The following AGBL4 variants were observed in gnomAD, a reference collection of about 807,000 sequenced individuals.
The protein encoded by AGBL4 is cytosolic carboxypeptidase 6.
AGBL4 carries 58 observed loss-of-function variants against 66.4 expected under a neutral mutation model. The observed-to-expected ratio is 0.87, with a 90% CI of 0.71 to 1.09. AGBL4 has a LOEUF of 1.09. Among genes scored for constraint, AGBL4 ranks in the 50% least tolerant of loss-of-function variants. The probability of loss-of-function intolerance (pLI) is 0.00; values close to 1 mark genes in which losing one functional copy is unlikely to be tolerated. For synonymous variants in AGBL4, 234 were observed against 222.9 expected (o/e 1.05, Z -0.44); for missense variants, 579 against 631.0 (o/e 0.92, Z 0.88).
chr1:49,971,226 T>C (rs1658054218), intron 1 of AGBL4, among the ~76,000 whole-genome samples: 1 of 152,164 alleles, frequency 6.6e-6, no homozygotes, highest in Admixed American at 6.5e-5. Flanking sequence ...AGTAGCACAA[T>C]GATATCTTGC....
intron 2 of AGBL4, among the ~76,000 whole-genome samples, chr1:49,708,760 T>C (rs1647400158): frequency 6.6e-6 from 1 of 152,158 alleles, no homozygotes; most frequent in Non-Finnish European, 1.5e-5. Context: ...TTTATGCTGA[T>C]GTTGATGCTA....
At chr1:49,449,887 A>G (rs1400683409) in intron 3 of AGBL4, among the ~76,000 whole-genome samples, 1 of 151,980 alleles carries the variant, frequency 6.6e-6, no homozygotes, top group African/African-American at 2.4e-5. Flanking sequence ...GGCTTTTTGC[A>G]CTACATCTTT....
intron 11 of AGBL4, among the ~76,000 whole-genome samples, chr1:48,541,384 T>G (rs948283441): frequency 2.6e-5 from 4 of 152,248 alleles, no homozygotes; most frequent in African/African-American, 4.8e-5. Flanking sequence ...GCCTGCAAGC[T>G]CTATGAGGCA....
intron 2 of AGBL4, chr1:49,845,229 TG>T (rs1364192985): frequency 6.6e-7 from 1 of 1,522,326 alleles, no homozygotes; most frequent in Admixed American, 1.7e-5. Context: ...GAATCCACAC[TG>T]GGGAGAAACC....
intron 6 of AGBL4, among the ~76,000 whole-genome samples, chr1:48,693,374 C>T (rs932024031): frequency 6.6e-6 from 1 of 152,184 alleles, no homozygotes; most frequent in African/African-American, 2.4e-5. Context: ...TTGCTTAACA[C>T]GGTGGTGGAT....
At chr1:49,054,244 T>C (rs760559442) in intron 4 of AGBL4, among the ~76,000 whole-genome samples, 6 of 152,068 alleles carry the variant, frequency 3.9e-5, no homozygotes, top group Admixed American at 3.3e-4. Context: ...TCAACAGATA[T>C]ATCAAACAAA....
intron 5 of AGBL4, among the ~76,000 whole-genome samples, chr1:49,011,464 T>A (rs1453239820): frequency 2.0e-5 from 3 of 152,156 alleles, no homozygotes; most frequent in Admixed American, 6.5e-5. Flanking sequence ...ATTGTGCAAG[T>A]CAGTGTGGCG....
chr1:48,686,131 C>T (rs964071511), intron 6 of AGBL4, among the ~76,000 whole-genome samples: 15 of 152,194 alleles, frequency 9.9e-5, no homozygotes, highest in Admixed American at 2.0e-4. Flanking sequence ...GGGGAAGTCA[C>T]TCAGCTTGTT....
Position 48,653,449 on chromosome 1 carries a change from T to A in AGBL4, c.727A>T (p.Ile243Phe). ...TGCTGGCTTACAAGGAAGTCAATGA[T>A]CCCTAGGGAAAGAGAAGAGCCCGGT... Reference protein sequence around the residue: ...ETPSSFVCQGIIDFLVSQHPI... With the variant: ...ETPSSFVCQGFIDFLVSQHPI... Residue 243 changes from isoleucine (I) to phenylalanine (F), a missense_variant and splice_region_variant, in exon 8 of 14, where the codon ATC becomes TTC. Ile to Phe is a conservative substitution (Grantham distance 21). Coordinates refer to ENST00000371839, the MANE Select transcript of AGBL4 (RefSeq NM_032785.4). The A allele has an allele frequency of 3.2e-6, 5 of 1,567,692 alleles. No individual in the cohort carries two copies. The highest frequency in any genetic ancestry group is 4.3e-6 in the Non-Finnish European group (5 of 1,155,084).
intron 3 of AGBL4, among the ~76,000 whole-genome samples, chr1:49,513,885 G>C (rs955481308): frequency 2.0e-5 from 3 of 152,010 alleles, no homozygotes; most frequent in Non-Finnish European, 4.4e-5. Flanking sequence ...GGCATAAGCA[G>C]GGTTGCTATA....
intron 6 of AGBL4, among the ~76,000 whole-genome samples, chr1:48,675,861 A>G (rs996236133): frequency 3.3e-5 from 5 of 152,254 alleles, no homozygotes; most frequent in Admixed American, 6.5e-5. Context: ...AGCAGTTCTT[A>G]TATAACTTCT....
intron 6 of AGBL4, among the ~76,000 whole-genome samples, chr1:48,672,382 C>T (rs937130188): frequency 2.6e-5 from 4 of 152,188 alleles, no homozygotes; most frequent in Non-Finnish European, 5.9e-5. Flanking sequence ...ATCCCTGTCT[C>T]ATGGATGAGG....
chr1:49,062,378 T>C (rs902552179), intron 4 of AGBL4, among the ~76,000 whole-genome samples: 1 of 152,202 alleles, frequency 6.6e-6, no homozygotes, highest in South Asian at 2.1e-4. Flanking sequence ...ACATGCATCA[T>C]ACTTCATTAT....
intron 6 of AGBL4, among the ~76,000 whole-genome samples, chr1:48,864,158 C>G (rs1436333410): frequency 6.6e-6 from 1 of 151,846 alleles, no homozygotes; most frequent in Non-Finnish European, 1.5e-5. Context: ...CAGAAGAAAC[C>G]AAAGTGGACA....
chr1:48,871,387 T>TGTGTG (rs1331388709), intron 5 of AGBL4, among the ~76,000 whole-genome samples: 25 of 74,620 alleles, frequency 3.4e-4, no homozygotes, highest in South Asian at 5.2e-4. Flanking sequence ...GTGTGTGTGT[T>TGTGTG]TGTGTGTGTA....
intron 3 of AGBL4, among the ~76,000 whole-genome samples, chr1:49,668,674 C>T (rs1646416438): frequency 6.6e-6 from 1 of 152,172 alleles, no homozygotes; most frequent in Non-Finnish European, 1.5e-5. Flanking sequence ...ACCAAAATGG[C>T]TCTGCTATGA....
chr1:49,415,221 T>C (rs1157997089), intron 3 of AGBL4, among the ~76,000 whole-genome samples: 1 of 152,158 alleles, frequency 6.6e-6, no homozygotes, highest in Non-Finnish European at 1.5e-5. Context: ...AGAATTATTT[T>C]TGTCTTTATA....
chr1:49,698,972 G>T (rs1018243056), intron 2 of AGBL4, among the ~76,000 whole-genome samples: 4 of 151,950 alleles, frequency 2.6e-5, no homozygotes, highest in Non-Finnish European at 5.9e-5. Flanking sequence ...TCCTCACCAT[G>T]ACCCAGTGAT....
At chr1:48,716,031 T>C (rs1407507833) in intron 6 of AGBL4, among the ~76,000 whole-genome samples, 1 of 152,162 alleles carries the variant, frequency 6.6e-6, no homozygotes, top group Non-Finnish European at 1.5e-5. Flanking sequence ...TGCTTCTAAC[T>C]TGATGGACAT....
Sources: gnomAD v4.1 joint callset for allele counts (sites outside exome capture counted in the v4.1 genomes callset) on GRCh38, gnomAD v4.1.1 for gene constraint, MANE v1.5 for transcripts, NCBI Gene and HGNC (gene_info 2026-07-23, HGNC 2026-07-21) for gene names.